Variants in CSNK1G1 observed in about 807,000 individuals in gnomAD.
The protein encoded by CSNK1G1 is casein kinase 1 gamma 1, also known as casein kinase I isoform gamma-1.
In CSNK1G1, 22 loss-of-function variants were observed where a neutral mutation model predicts 59.6. The ratio of observed to expected loss-of-function variants is 0.37; its 90% CI spans 0.26 to 0.53. CSNK1G1 has a LOEUF of 0.53. Ranked by LOEUF, CSNK1G1 falls within the 20% of genes least tolerant of loss-of-function variation. CSNK1G1 has a pLI of 0.89. For missense variants in CSNK1G1, 384 were observed against 519.5 expected (o/e 0.74, Z 2.54); for synonymous variants, 179 against 177.1 (o/e 1.01, Z -0.08).
At chr15:64,351,595 C>T (rs968263072) in intron 1 of CSNK1G1, among the ~76,000 whole-genome samples, 4 of 152,140 alleles carry the variant, frequency 2.6e-5, no homozygotes, top group African/African-American at 9.7e-5. Flanking sequence ...AATAGATTAT[C>T]GGGCCAGGCA....
intron 4 of CSNK1G1, among the ~76,000 whole-genome samples, chr15:64,218,595 G>C (rs1011980593): frequency 1.3e-5 from 2 of 151,642 alleles, no homozygotes; most frequent in African/African-American, 4.8e-5. Flanking sequence ...TGCCATGTTG[G>C]CCAGGCTGCT....
In CSNK1G1 at chr15:64,225,767, C is replaced by T. The variant is rs768258279; in HGVS notation, c.293-9054G>A. 1.2e-4 allele frequency among the ~76,000 whole-genome samples: 19 copies of T among 152,252 alleles called. 1 individual carries two copies. Among genetic ancestry groups the T allele is most frequent in the East Asian group, 1.2e-3 (6 of 5,174 alleles). The stretch of plus-strand genomic sequence containing the variant: ...TCAGCCTCCCAAGTAACTGGGATTA[C>T]GGGTGCCTGTCACCACATCCAGCTG... On this transcript the variant is annotated intron_variant, in intron 4 of 11. Transcript: ENST00000303052.
chr15:64,188,542 G>T lies in CSNK1G1; in HGVS notation c.1108-8088C>A. 1.5e-6 allele frequency: 2 copies of T among 1,292,254 alleles called. No homozygotes were observed. The highest frequency in any genetic ancestry group is 2.2e-6 in the Non-Finnish European group (2 of 929,988). 80.0% of individuals were successfully genotyped at this position (1,292,254 alleles called of 1,614,324 possible). On this transcript the variant is annotated intron_variant, in intron 10 of 11. Transcript: ENST00000303052. The surrounding 1 kb of genome is among the most constrained non-coding windows in gnomAD (Gnocchi z 4.2). ...ATATGGAAGGAAAGGTGAAGCAACA[G>T]CAAGCAATAACAAAATCAAGTACAT...
At chr15:64,297,715 TAAG>T (rs975750611) in intron 2 of CSNK1G1, among the ~76,000 whole-genome samples, 6 of 150,782 alleles carry the variant, frequency 4.0e-5, no homozygotes, top group Non-Finnish European at 7.4e-5. Flanking sequence ...AAAAAAAGAA[TAAG>T]AAGAAATGCA....
At chr15:64,348,466 A>G (rs1898094549) in intron 1 of CSNK1G1, 1 of 152,198 alleles carries the variant, frequency 6.6e-6, no homozygotes, top group Admixed American at 6.5e-5. Flanking sequence ...CAGAAATCTA[A>G]AAGTATTCAA....
chr15:64,258,044 C>A (rs1252197506), intron 3 of CSNK1G1, among the ~76,000 whole-genome samples: 1 of 152,152 alleles, frequency 6.6e-6, no homozygotes, highest in African/African-American at 2.4e-5. Context: ...CAAGACAACC[C>A]TAACTCCTCC....
At chr15:64,205,920 T>C (rs2082172426) in intron 7 of CSNK1G1, among the ~76,000 whole-genome samples, 1 of 152,234 alleles carries the variant, frequency 6.6e-6, no homozygotes, top group African/African-American at 2.4e-5. Context: ...AAATGAACCA[T>C]CCTGCCTTTC....
chr15:64,273,259 A>ACC (rs1893425476), intron 2 of CSNK1G1, among the ~76,000 whole-genome samples: 1 of 152,200 alleles, frequency 6.6e-6, no homozygotes. Flanking sequence ...ATCACACTCT[A>ACC]CCCCATAAGC....
intron 2 of CSNK1G1, among the ~76,000 whole-genome samples, chr15:64,278,544 T>C (rs1366131721): frequency 4.6e-5 from 7 of 151,896 alleles, no homozygotes; most frequent in African/African-American, 1.7e-4. Context: ...TTCGCCTGCC[T>C]TAGCCTTCCA....
At chr15:64,286,371 C>CT (rs1351567444) in intron 2 of CSNK1G1, among the ~76,000 whole-genome samples, 1 of 150,070 alleles carries the variant, frequency 6.7e-6, no homozygotes, top group Non-Finnish European at 1.5e-5. Flanking sequence ...TTATTGTTAA[C>CT]AATATTGTTA....
At chr15:64,343,394 AC>A (rs1897782622) in intron 1 of CSNK1G1, among the ~76,000 whole-genome samples, 2 of 152,080 alleles carry the variant, frequency 1.3e-5, no homozygotes, top group African/African-American at 2.4e-5. Flanking sequence ...TCCAAATCAA[AC>A]CCAGCCTTTA....
At chr15:64,333,433 C>CAAAAAAAAAAAAAAAA (rs59451869) in intron 1 of CSNK1G1, among the ~76,000 whole-genome samples, 1 of 23,086 alleles carries the variant, frequency 4.3e-5, no homozygotes, top group African/African-American at 2.4e-4. Context: ...GACACCATCT[C>CAAAAAAAAAAAAAAAA]AAAAAAAAAA....
At chr15:64,177,608 T>C (rs1235700347) in intron 11 of CSNK1G1, among the ~76,000 whole-genome samples, 1 of 152,210 alleles carries the variant, frequency 6.6e-6, no homozygotes, top group Non-Finnish European at 1.5e-5. Context: ...GGCACATTTG[T>C]CCTTTTTGCT....
intron 4 of CSNK1G1, among the ~76,000 whole-genome samples, chr15:64,233,797 C>G (rs2140295282): frequency 6.6e-6 from 1 of 152,160 alleles, no homozygotes; most frequent in African/African-American, 2.4e-5. Flanking sequence ...TATTTAAGCT[C>G]CATTTAAGAC....
At chr15:64,236,043 T>C (rs112781750) in intron 4 of CSNK1G1, among the ~76,000 whole-genome samples, 2,994 of 148,416 alleles carry the variant, frequency 0.02, 78 homozygotes, top group African/African-American at 0.064. Flanking sequence ...CTCGGGAGGC[T>C]GAGGCAGGAG....
chr15:64,355,479 A>C (rs1286022412), intron 1 of CSNK1G1, among the ~76,000 whole-genome samples: 2 of 152,328 alleles, frequency 1.3e-5, no homozygotes, highest in East Asian at 3.9e-4. Context: ...GGTAGAGGAA[A>C]GTCTCATTAC....
intron 1 of CSNK1G1, among the ~76,000 whole-genome samples, chr15:64,320,350 G>T (rs1320069037): frequency 4.6e-5 from 7 of 152,000 alleles, no homozygotes; most frequent in African/African-American, 1.7e-4. Flanking sequence ...CACCTAACAG[G>T]TACAGCTATT....
Position 64,178,671 on chromosome 15 carries a change from G to A in CSNK1G1, c.1214+1677C>T, listed in dbSNP as rs149178165. 8.2e-3 allele frequency among the ~76,000 whole-genome samples: 1,248 copies of A among 151,772 alleles called. 17 individuals carry two copies. Among genetic ancestry groups the A allele is most frequent in the African/African-American group, 0.029 (1,194 of 41,364 alleles). ...TAATTTTTATATTTTTAGTAGAGACGGGGTTTCACCATGTTGGCCAGGATG... is the reference window on the plus strand; with the variant it reads ...TAATTTTTATATTTTTAGTAGAGACAGGGTTTCACCATGTTGGCCAGGATG... On this transcript the variant is annotated intron_variant, in intron 11 of 11. Coordinates refer to ENST00000303052, the MANE Select transcript of CSNK1G1 (RefSeq NM_022048.5).
Position 64,300,371 on chromosome 15 carries a change from G to C in CSNK1G1, c.129C>G (p.Asn43Lys). The C allele has an allele frequency of 6.2e-7, 1 of 1,614,190 alleles. No individual in the cohort carries two copies. The highest frequency in any genetic ancestry group is 8.5e-7 in the Non-Finnish European group (1 of 1,180,030). The change falls in exon 2 of 12, where the codon AAC becomes AAG. Residue 43 changes from asparagine to lysine, a missense_variant. Asn to Lys is a moderately conservative substitution (Grantham distance 94). Around this residue, in one of 3 missense-constraint regions of CSNK1G1, gnomAD observed 56 missense variants for 60.8 expected, o/e 0.92. Transcript: ENST00000303052. ...ATCCTATCTTCTTGCCAACCCTGAAGTTGGGTCCCACCATAAGAACCCCAG... is the reference window on the plus strand; with the variant it reads ...ATCCTATCTTCTTGCCAACCCTGAACTTGGGTCCCACCATAAGAACCCCAG... ...SSSGVLMVGP[N>K]FRVGKKIGCG...
Sources: allele counts gnomAD v4.1 joint callset (sites outside exome capture counted in the v4.1 genomes callset), GRCh38; gene constraint gnomAD v4.1.1; regional missense constraint gnomAD v4.1.1; non-coding constraint Gnocchi (gnomAD v3.1); transcripts MANE v1.5; gene names NCBI Gene and HGNC (gene_info 2026-07-23, HGNC 2026-07-21).